ATL2: variants seen among roughly 807,000 people sequenced by gnomAD.
ATL2 encodes atlastin GTPase 2.
A neutral mutation model predicts 73.9 loss-of-function variants in ATL2; 31 were observed. The ratio of observed to expected loss-of-function variants is 0.42; its 90% CI spans 0.32 to 0.57. The LOEUF (loss-of-function observed/expected upper bound fraction) is 0.57. ATL2 is among the 20% of genes least tolerant of loss of function. The pLI, the probability that ATL2 is intolerant of heterozygous loss-of-function variation, is 0.14. For missense variants in ATL2, 738 were observed against 702.6 expected (o/e 1.05, Z -0.57); for synonymous variants, 291 against 237.5 (o/e 1.23, Z -2.07).
At chr2:38,336,357 A>G (rs755954461) in intron 2 of ATL2, among the ~76,000 whole-genome samples, 1 of 152,238 alleles carries the variant, frequency 6.6e-6, no homozygotes, top group Non-Finnish European at 1.5e-5. Context: ...ATAAAAACAT[A>G]AAGGACAGTT....
At position 38,294,783 on chromosome 2, in the gene ATL2, C is replaced by T. The variant is rs1381984642; in HGVS notation, c.*1211G>A. The stretch of plus-strand genomic sequence containing the variant: ...AGGTACAATGCCTTAGAGCTCTCAA[C>T]TGGGGTGTTTCCTGCTCATGCTCTT... On this transcript the variant is annotated 3_prime_UTR_variant, in exon 13 of 13. Transcript: ENST00000378954. 6.6e-6 allele frequency: 1 copy of T among 152,082 alleles called. No individual in the cohort carries two copies. The highest frequency in any genetic ancestry group is 6.5e-5 in the Admixed American group (1 of 15,268). 9.4% of individuals were successfully genotyped at this position (152,082 alleles called of 1,614,324 possible). A position where few individuals can be genotyped will look rare whatever the true frequency, so the allele number is the denominator to read the frequency against.
chr2:38,319,061 G>A, intron 2 of ATL2, 42 bp from the exon 3 acceptor site: 1 of 1,567,548 alleles, frequency 6.4e-7, no homozygotes, highest in Non-Finnish European at 8.6e-7. Flanking sequence ...ACACAATTAA[G>A]AAATAAAAGA....
chr2:38,344,496 G>C (rs983257785), intron 1 of ATL2, among the ~76,000 whole-genome samples: 4 of 152,130 alleles, frequency 2.6e-5, no homozygotes, highest in African/African-American at 9.7e-5. Flanking sequence ...TGTAGTCCCA[G>C]CTACTTGGGA....
intron 1 of ATL2, among the ~76,000 whole-genome samples, chr2:38,352,454 T>C (rs1207669206): frequency 6.6e-6 from 1 of 151,966 alleles, no homozygotes; most frequent in African/African-American, 2.4e-5. Flanking sequence ...AACTATAGAG[T>C]GAAGAACTAG....
In ATL2 at chr2:38,294,440, C is replaced by A. The variant is rs533885225; in HGVS notation, c.*1554G>T. 1.6e-3 allele frequency among the ~76,000 whole-genome samples: 246 copies of A among 152,216 alleles called. 2 individuals carry two copies. The highest frequency in any genetic ancestry group is 5.4e-3 in the African/African-American group (225 of 41,532). On this transcript the variant is annotated 3_prime_UTR_variant, in exon 13 of 13. Transcript: ENST00000378954. ...GCACGCACCTGTAGTCCCAGCTACT[C>A]AGGAGGCTGAGGCGGGAGAATCACT...
chr2:38,315,202 GA>G, intron 5 of ATL2, 81 bp downstream of exon 5: 1 of 1,302,600 alleles, frequency 7.7e-7, no homozygotes. Flanking sequence ...AGTGAACCAA[GA>G]TTGTGCCACC....
At position 38,364,782 on chromosome 2, in the gene ATL2, C is replaced by A. The variant is rs192817975; in HGVS notation, c.118+12361G>T. Reference sequence around the variant, plus strand: ...TTTGTTGGCTAGGCACAGTGGCTTGCGCCTGTAATCCCAGCACTTTGGGAG... The same window carrying A: ...TTTGTTGGCTAGGCACAGTGGCTTGAGCCTGTAATCCCAGCACTTTGGGAG... On this transcript the variant is annotated intron_variant, in intron 1 of 12. Transcript: ENST00000378954. 1.6e-3 allele frequency among the ~76,000 whole-genome samples: 245 copies of A among 152,306 alleles called. 2 individuals are homozygous for A. Among genetic ancestry groups the A allele is most frequent in the South Asian group, 0.015 (71 of 4,830 alleles).
intron 2 of ATL2, among the ~76,000 whole-genome samples, chr2:38,331,612 C>CAAA (rs35381890): frequency 1.3e-4 from 12 of 92,146 alleles, no homozygotes; most frequent in Middle Eastern, 5.4e-3. Flanking sequence ...GACTCCATCT[C>CAAA]AAAAAAAAAA....
At chr2:38,355,186 G>C (rs1294765877) in intron 1 of ATL2, among the ~76,000 whole-genome samples, 1 of 152,060 alleles carries the variant, frequency 6.6e-6, no homozygotes, top group Non-Finnish European at 1.5e-5. Context: ...GAGTGCAATG[G>C]CACGATCTCA....
In ATL2 at chr2:38,363,227, C is replaced by A. The variant is rs115979855; in HGVS notation, c.118+13916G>T. 1.2e-3 allele frequency among the ~76,000 whole-genome samples: 183 copies of A among 152,258 alleles called. 3 individuals carry two copies. Among genetic ancestry groups the A allele is most frequent in the African/African-American group, 4.3e-3 (177 of 41,536 alleles). ...CTTTCTAATTGTCAAAATGCATCAT[C>A]CTCCAACTAAGCCAAACTGTTAGCA... On this transcript the variant is annotated intron_variant, in intron 1 of 12. Coordinates refer to ENST00000378954, the MANE Select transcript of ATL2 (RefSeq NM_001135673.4).
At chr2:38,325,784 C>A (rs1402066829) in intron 2 of ATL2, among the ~76,000 whole-genome samples, 1 of 146,874 alleles carries the variant, frequency 6.8e-6, no homozygotes, top group African/African-American at 2.5e-5. Context: ...CAAAAGCCTG[C>A]CCTCCTGAGA....
intron 1 of ATL2, among the ~76,000 whole-genome samples, chr2:38,355,799 A>C (rs1291543088): frequency 6.6e-6 from 1 of 151,272 alleles, no homozygotes; most frequent in Non-Finnish European, 1.5e-5. Flanking sequence ...TTGCAGGTAC[A>C]AGCAATTCTC....
intron 2 of ATL2, among the ~76,000 whole-genome samples, chr2:38,325,612 A>G (rs993883578): frequency 6.8e-6 from 1 of 147,306 alleles, no homozygotes; most frequent in Non-Finnish European, 1.5e-5. Flanking sequence ...CACTATCTAC[A>G]CACACACCAG....
chr2:38,353,242 A>G (rs530982475), intron 1 of ATL2, among the ~76,000 whole-genome samples: 3 of 152,254 alleles, frequency 2.0e-5, no homozygotes, highest in East Asian at 3.9e-4. Flanking sequence ...GAGGAGTCTC[A>G]GCCAAAAAAC....
At chr2:38,325,698 G>GAACACACACA in intron 2 of ATL2, among the ~76,000 whole-genome samples, 1 of 4,108 alleles carries the variant, frequency 2.4e-4, no homozygotes, top group East Asian at 6.3e-3. Flanking sequence ...ACACACACCA[G>GAACACACACA]TACACACACA....
intron 1 of ATL2, among the ~76,000 whole-genome samples, chr2:38,357,306 A>AG (rs1670723722): frequency 2.0e-5 from 3 of 150,652 alleles, no homozygotes; most frequent in Non-Finnish European, 4.4e-5. Flanking sequence ...CCAGCCTGGC[A>AG]ACAGAGGAAG....
chr2:38,332,059 C>T (rs1669027484), intron 2 of ATL2, among the ~76,000 whole-genome samples: 1 of 152,046 alleles, frequency 6.6e-6, no homozygotes, highest in South Asian at 2.1e-4. Flanking sequence ...TGAAGCCAGT[C>T]ACAAAAGACC....
At chr2:38,344,620 CA>C (rs750453405) in intron 1 of ATL2, among the ~76,000 whole-genome samples, 2 of 150,938 alleles carry the variant, frequency 1.3e-5, no homozygotes, top group African/African-American at 2.4e-5. Context: ...AAAAAACAAA[CA>C]AAAAAAAATT....
At chr2:38,339,951 A>G in intron 2 of ATL2, among the ~76,000 whole-genome samples, 1 of 152,118 alleles carries the variant, frequency 6.6e-6, no homozygotes, top group East Asian at 1.9e-4. Flanking sequence ...TCGGCCTCCC[A>G]AAGTGCTGGG....
Sources: gnomAD v4.1 joint callset for allele counts (sites outside exome capture counted in the v4.1 genomes callset) on GRCh38, gnomAD v4.1.1 for gene constraint, MANE v1.5 for transcripts, NCBI Gene and HGNC (gene_info 2026-07-23, HGNC 2026-07-21) for gene names.